The following FAF1 variants were observed in gnomAD, a reference collection of about 807,000 sequenced individuals.
FAF1 encodes the protein Fas associated factor 1, also known as FAS-associated factor 1.
In FAF1, 25 loss-of-function variants were observed where a neutral mutation model predicts 92.5. The observed-to-expected ratio is 0.27, with a 90% confidence interval of 0.20 to 0.38. The LOEUF is 0.38. Among genes scored for constraint, FAF1 ranks in the 10% least tolerant of loss-of-function variants. FAF1 has a pLI of 1.00. For synonymous variants in FAF1, 234 were observed against 273.2 expected, an observed-to-expected ratio of 0.86 and a Z score of 1.42; for missense variants, 636 against 793.3, an observed-to-expected ratio of 0.80 and a Z score of 2.38.
chr1:50,890,902 G>C (rs1176161985), intron 1 of FAF1, among the ~76,000 whole-genome samples: 1 of 152,080 alleles, frequency 6.6e-6, no homozygotes, highest in Non-Finnish European at 1.5e-5. Context: ...TTTGAATGTT[G>C]GCCCGCCTTG....
chr1:50,819,695 A>G (rs1383189497), intron 2 of FAF1, among the ~76,000 whole-genome samples: 2 of 59,264 alleles, frequency 3.4e-5, no homozygotes, highest in South Asian at 4.5e-4. Flanking sequence ...ATATATACAT[A>G]TATATATACA....
chr1:50,489,330 A>G (rs1235026158), intron 17 of FAF1, among the ~76,000 whole-genome samples: 1 of 152,244 alleles, frequency 6.6e-6, no homozygotes, highest in Non-Finnish European at 1.5e-5. Flanking sequence ...TAACTAACAG[A>G]GTTTTCCTCA....
intron 15 of FAF1, among the ~76,000 whole-genome samples, chr1:50,506,312 ACTGT>A (rs1234567593): frequency 1.3e-5 from 2 of 152,294 alleles, no homozygotes; most frequent in South Asian, 2.1e-4. Flanking sequence ...TATCAGCTTC[ACTGT>A]CTGCTTTCCC....
At chr1:50,491,405 G>A (rs1277093158) in intron 16 of FAF1, among the ~76,000 whole-genome samples, 1 of 152,134 alleles carries the variant, frequency 6.6e-6, no homozygotes, top group African/African-American at 2.4e-5. Context: ...TAAATCAATA[G>A]TTCCCAACCC....
At chr1:50,560,234 C>T (rs17106287) in intron 13 of FAF1, among the ~76,000 whole-genome samples, 2,100 of 152,272 alleles carry the variant, frequency 0.014, 46 homozygotes, top group African/African-American at 0.047. Context: ...ATGGAAAGTA[C>T]ATGTGAAGAC....
intron 1 of FAF1, 44 bp from the exon 2 acceptor site, chr1:50,858,041 TAGGG>T (rs759252013): frequency 3.6e-6 from 5 of 1,395,076 alleles, no homozygotes; most frequent in African/African-American, 1.5e-5. Context: ...ATTTTAGAAA[TAGGG>T]AGGTAAATCA....
At chr1:50,826,308 T>G (rs1413019377) in intron 2 of FAF1, among the ~76,000 whole-genome samples, 1 of 152,058 alleles carries the variant, frequency 6.6e-6, no homozygotes, top group African/African-American at 2.4e-5. Flanking sequence ...CCCAGCACTT[T>G]TGGAGGCTGA....
At chr1:50,731,464 G>C (rs1399922556) in intron 6 of FAF1, among the ~76,000 whole-genome samples, 2 of 151,612 alleles carry the variant, frequency 1.3e-5, no homozygotes, top group African/African-American at 4.8e-5. Context: ...CTGCCTCCCA[G>C]GTTCACGCCA....
chr1:50,630,484 G>GT (rs1653721011), intron 8 of FAF1, among the ~76,000 whole-genome samples: 1 of 152,066 alleles, frequency 6.6e-6, no homozygotes. Context: ...AAATATAACC[G>GT]TTTTTTAACA....
chr1:50,587,201 G>A (rs1350506805), intron 9 of FAF1, among the ~76,000 whole-genome samples: 1 of 152,062 alleles, frequency 6.6e-6, no homozygotes, highest in East Asian at 1.9e-4. Flanking sequence ...TATAACAACA[G>A]GACCTTACTT....
intron 1 of FAF1, among the ~76,000 whole-genome samples, chr1:50,932,002 G>GAAT (rs1230776715): frequency 1.1e-4 from 15 of 136,850 alleles, no homozygotes; most frequent in Admixed American, 4.4e-4. Context: ...GCAATTCTGG[G>GAAT]AATAATAATA....
chr1:50,504,961 G>A (rs1034876875), intron 15 of FAF1, among the ~76,000 whole-genome samples: 1 of 152,166 alleles, frequency 6.6e-6, no homozygotes, highest in African/African-American at 2.4e-5. Context: ...AGACCTCCAG[G>A]TGACTCCTAT....
At chr1:50,799,559 T>C (rs1661895935) in intron 3 of FAF1, among the ~76,000 whole-genome samples, 2 of 152,202 alleles carry the variant, frequency 1.3e-5, no homozygotes, top group Admixed American at 1.3e-4. Context: ...GTTTTTTGTT[T>C]TGAATAATCT....
chr1:50,567,463 A>G (rs940780763), intron 12 of FAF1, among the ~76,000 whole-genome samples: 9 of 152,102 alleles, frequency 5.9e-5, no homozygotes, highest in African/African-American at 2.2e-4. Context: ...GCAGACTGCT[A>G]TTGCAGATTT....
At chr1:50,705,915 AG>A in intron 6 of FAF1, 24 bp from the exon 7 acceptor site, 1 of 1,418,804 alleles carries the variant, frequency 7.0e-7, no homozygotes, top group East Asian at 2.3e-5. Flanking sequence ...AAGAAAAACA[AG>A]GAACTCAGAG....
At chr1:50,483,723 G>A (rs565919580) in intron 17 of FAF1, among the ~76,000 whole-genome samples, 1 of 152,300 alleles carries the variant, frequency 6.6e-6, no homozygotes, top group African/African-American at 2.4e-5. Flanking sequence ...AGATGAGGGT[G>A]ATAGTGGTGG....
chr1:50,760,073 T>G (rs566955371), intron 4 of FAF1, among the ~76,000 whole-genome samples: 43 of 151,758 alleles, frequency 2.8e-4, no homozygotes, highest in African/African-American at 1.0e-3. Flanking sequence ...GATGAGTAGG[T>G]TGCTCTTTGT....
chr1:50,559,609 C>G (rs542281169), intron 13 of FAF1, among the ~76,000 whole-genome samples: 5 of 152,164 alleles, frequency 3.3e-5, no homozygotes, highest in Admixed American at 3.3e-4. Flanking sequence ...GCTGGCAGAA[C>G]GCAAACCTTG....
At chr1:50,513,204 G>C (rs991757617) in intron 15 of FAF1, among the ~76,000 whole-genome samples, 5 of 152,210 alleles carry the variant, frequency 3.3e-5, no homozygotes, top group Non-Finnish European at 7.3e-5. Flanking sequence ...CACTGGCTAG[G>C]CATGGTGGTT....
Sources: allele counts gnomAD v4.1 joint callset (sites outside exome capture counted in the v4.1 genomes callset), GRCh38; gene constraint gnomAD v4.1.1; transcripts MANE v1.5; gene names NCBI Gene and HGNC (gene_info 2026-07-23, HGNC 2026-07-21).